The following RIC3 variants were observed in gnomAD, a reference collection of about 807,000 sequenced individuals.
RIC3 encodes protein RIC-3.
Under a neutral mutation model 27.3 loss-of-function variants are expected in RIC3, and 28 were observed. The observed-to-expected ratio is 1.02, with a 90% confidence interval of 0.76 to 1.41. The LOEUF (loss-of-function observed/expected upper bound fraction) is 1.41. Among genes scored for constraint, RIC3 ranks in the 40% most tolerant of loss-of-function variants. The probability of loss-of-function intolerance (pLI) is 0.00; values close to 1 mark genes in which losing one functional copy is unlikely to be tolerated. For synonymous variants in RIC3, 184 were observed against 160.4 expected (o/e 1.15, Z -1.11); for missense variants, 501 against 444.7 (o/e 1.13, Z -1.14).
At chr11:8,098,731 TC>T in the RIC3 span, 1 of 1,550,506 alleles carries the variant, frequency 6.4e-7, no homozygotes, top group South Asian at 1.1e-5. Flanking sequence ...GGTGCATGAC[TC>T]TATACTGATT....
At chr11:8,161,484 C>T (rs1163309465) in intron 1 of RIC3, among the ~76,000 whole-genome samples, 1 of 152,208 alleles carries the variant, frequency 6.6e-6, no homozygotes, top group Non-Finnish European at 1.5e-5. Context: ...TAAAATTATT[C>T]TCTTCCCTCC....
chr11:8,146,233 C>T (rs945542581), intron 1 of RIC3, among the ~76,000 whole-genome samples: 1 of 152,172 alleles, frequency 6.6e-6, no homozygotes, highest in Non-Finnish European at 1.5e-5. Context: ...ACACTTTAGA[C>T]ATACCTACAG....
At chr11:8,122,338 T>C (rs7941531) in intron 5 of RIC3, among the ~76,000 whole-genome samples, 39,379 of 151,988 alleles carry the variant, frequency 0.26, 5,180 homozygotes, top group East Asian at 0.44. Flanking sequence ...AATCATATAG[T>C]ATGTAACCTT....
At chr11:8,136,698 C>G (rs1169471668) in intron 4 of RIC3, among the ~76,000 whole-genome samples, 1 of 152,204 alleles carries the variant, frequency 6.6e-6, no homozygotes, top group Non-Finnish European at 1.5e-5. Context: ...CACACTTGCT[C>G]TCTTCTCTCA....
intron 4 of RIC3, among the ~76,000 whole-genome samples, chr11:8,130,123 C>T (rs2133710344): frequency 6.6e-6 from 1 of 152,282 alleles, no homozygotes; most frequent in South Asian, 2.1e-4. Flanking sequence ...TTTTGGGGAA[C>T]CAACTCCTCT....
At chr11:8,165,770 T>G (rs1486197212) in intron 1 of RIC3, among the ~76,000 whole-genome samples, 1 of 114,862 alleles carries the variant, frequency 8.7e-6, no homozygotes, top group Non-Finnish European at 1.7e-5. Flanking sequence ...TTTGGGGTTT[T>G]TTTTTTGTTT....
intron 1 of RIC3, among the ~76,000 whole-genome samples, chr11:8,165,437 C>T (rs1951590674): frequency 6.6e-6 from 1 of 151,928 alleles, no homozygotes; most frequent in East Asian, 1.9e-4. Context: ...CACAAAAGAT[C>T]AGATATTATA....
intron 1 of RIC3, among the ~76,000 whole-genome samples, chr11:8,141,189 T>A (rs1260792443): frequency 6.6e-6 from 1 of 151,150 alleles, no homozygotes; most frequent in Non-Finnish European, 1.5e-5. Flanking sequence ...CAATACTAAC[T>A]TTAAATGTAA....
intron 4 of RIC3, among the ~76,000 whole-genome samples, chr11:8,132,973 A>G (rs1300239153): frequency 2.6e-5 from 4 of 152,214 alleles, no homozygotes; most frequent in African/African-American, 9.6e-5. Flanking sequence ...TATGGTTTGA[A>G]TATTTGTCTC....
the RIC3 span, chr11:8,096,547 A>G: frequency 1.4e-6 from 1 of 699,698 alleles, no homozygotes; most frequent in Non-Finnish European, 2.6e-6. Context: ...ATATGTGTAG[A>G]TATGGCTAAG....
chr11:8,107,040 A>C lies in RIC3; in HGVS notation c.*3658T>G, dbSNP rs1944742111. On this transcript the variant is annotated 3_prime_UTR_variant, in exon 6 of 6. Transcript: ENST00000309737. ...AGCATTATTCCCAATTCATGGGGAA[A>C]CTGGTTCTCTGAGAGGTTAAGGAAT... 1.3e-5 allele frequency: 2 copies of C among 152,230 alleles called. No individual in the cohort carries two copies. The highest frequency in any genetic ancestry group is 4.8e-5 in the African/African-American group (2 of 41,468). The allele number at this position is 152,230 out of a possible 1,614,324, so 9.4% of individuals were successfully genotyped here. A position where few individuals can be genotyped will look rare whatever the true frequency, so the allele number is the denominator to read the frequency against.
the RIC3 span, chr11:8,100,741 AC>A: frequency 3.8e-6 from 6 of 1,575,438 alleles, no homozygotes; most frequent in Non-Finnish European, 4.3e-6. Flanking sequence ...AAATCCAAGG[AC>A]CCCCATTCCC....
the RIC3 span, among the ~76,000 whole-genome samples, chr11:8,095,954 G>C: frequency 2.0e-5 from 3 of 152,232 alleles, no homozygotes; most frequent in Non-Finnish European, 4.4e-5. Context: ...AGCAGGGCCA[G>C]GATACCAAGA....
At chr11:8,151,916 CAAA>C (rs541424394) in intron 1 of RIC3, among the ~76,000 whole-genome samples, 11 of 81,072 alleles carry the variant, frequency 1.4e-4, no homozygotes, top group Admixed American at 1.4e-4. Context: ...GACTCGGTCT[CAAA>C]AAAAAAAAAA....
the RIC3 span, among the ~76,000 whole-genome samples, chr11:8,093,533 G>A: frequency 1.3e-5 from 2 of 152,186 alleles, no homozygotes; most frequent in Non-Finnish European, 2.9e-5. Flanking sequence ...GTTGGTGCCT[G>A]TAGCTTCTTG....
intron 4 of RIC3, 87 bp from the exon 5 acceptor site, chr11:8,126,894 G>A (rs550263533): frequency 4.0e-6 from 6 of 1,494,266 alleles, no homozygotes; most frequent in East Asian, 4.5e-5. Flanking sequence ...TCTGGGTACT[G>A]GAATAGAAAG....
chr11:8,103,673 T>A (rs1398327966), downstream of RIC3: 2 of 152,658 alleles, frequency 1.3e-5, no homozygotes, highest in Non-Finnish European at 2.9e-5. Context: ...GGTGCCATCC[T>A]CCTTTCTATA....
At chr11:8,112,632 G>T (rs909708142) in intron 5 of RIC3, among the ~76,000 whole-genome samples, 12 of 152,062 alleles carry the variant, frequency 7.9e-5, no homozygotes, top group Non-Finnish European at 1.8e-4. Context: ...TAAAAAGAAG[G>T]ATCATATTTG....
chr11:8,100,935 A>C, the RIC3 span: 2 of 1,614,176 alleles, frequency 1.2e-6, no homozygotes, highest in South Asian at 1.1e-5. Flanking sequence ...TATGTACTCA[A>C]CTTCCATGGG....
Sources: gnomAD v4.1 joint callset for allele counts (sites outside exome capture counted in the v4.1 genomes callset) on GRCh38, gnomAD v4.1.1 for gene constraint, MANE v1.5 for transcripts, NCBI Gene and HGNC (gene_info 2026-07-23, HGNC 2026-07-21) for gene names.